ANKEF1: variants seen among roughly 807,000 people sequenced by gnomAD.
ANKEF1 encodes ankyrin repeat and EF-hand domain containing 1.
In ANKEF1, 43 loss-of-function variants were observed where a neutral mutation model predicts 65.1. The ratio of observed to expected loss-of-function variants is 0.66; its 90% CI spans 0.52 to 0.85. The LOEUF (loss-of-function observed/expected upper bound fraction) is 0.85, where lower values mean the gene tolerates loss of function less well. Among genes scored for constraint, ANKEF1 ranks in the 40% least tolerant of loss-of-function variants. ANKEF1 has a pLI of 0.00. For synonymous variants in ANKEF1, 316 were observed against 341.5 expected, an observed-to-expected ratio of 0.93 and a Z score of 0.82; for missense variants, 934 against 952.9, an observed-to-expected ratio of 0.98 and a Z score of 0.26.
rs1384054783 is a variant in ANKEF1, at chr20:10,057,831, T to C, written c.*2171T>C. The stretch of plus-strand genomic sequence containing the variant: ...TCCTTTGTACTCCCAGGTCATGAAA[T>C]ACATTCGCTTGCCCCATCTCTTTAG... On this transcript the variant is annotated 3_prime_UTR_variant, in exon 11 of 11. Coordinates refer to ENST00000378392, the MANE Select transcript of ANKEF1 (RefSeq NM_022096.6). 6.6e-6 allele frequency: 1 copy of C among 152,212 alleles called. No individual in the cohort carries two copies. The highest frequency in any genetic ancestry group is 1.5e-5 in the Non-Finnish European group (1 of 68,036). The allele number at this position is 152,212 out of a possible 1,614,324, so 9.4% of individuals were successfully genotyped here. A position where few individuals can be genotyped will look rare whatever the true frequency, so the allele number is the denominator to read the frequency against.
rs553878740 is a variant in ANKEF1, at chr20:10,037,840, A to G, written c.-44-418A>G. ...AGCCCAGTAGATTTGTTTATAATGA[A>G]CACCTCAAAATTATATGTTTTTATA... On this transcript the variant is annotated intron_variant, in intron 2 of 10. Coordinates refer to ENST00000378392, the MANE Select transcript of ANKEF1 (RefSeq NM_022096.6). Among the ~76,000 whole-genome samples, 17 of 152,226 alleles carry G rather than the reference A, an allele frequency of 1.1e-4. No homozygotes were observed. The East Asian group carries it at 3.3e-3, about 29-fold the overall frequency.
Position 10,054,599 on chromosome 20 carries a change from G to C in ANKEF1, c.2172G>C (p.Arg724Ser), listed in dbSNP as rs747775909. ...TGGATATCACATTTATTCCACGGAGGGTAAGTGCTTCGAAAAGATCTTCAT... is the reference window on the plus strand; with the variant it reads ...TGGATATCACATTTATTCCACGGAGCGTAAGTGCTTCGAAAAGATCTTCAT... ...KKVDITFIPR[R>S]IWSPEATTAE... Residue 724 changes from arginine (R) to serine (S), a missense_variant and splice_region_variant, in exon 10 of 11, where the codon AGG becomes AGC. Physicochemically the swap from Arg to Ser is moderately radical, Grantham distance 110 (BLOSUM62 -1). Coordinates refer to ENST00000378392, the MANE Select transcript of ANKEF1 (RefSeq NM_022096.6). 6.2e-7 allele frequency: 1 copy of C among 1,603,846 alleles called. No individual in the cohort carries two copies. The highest frequency in any genetic ancestry group is 1.1e-5 in the South Asian group (1 of 88,334).
At position 10,058,030 on chromosome 20, in the gene ANKEF1, T is replaced by A. The variant is rs773771351; in HGVS notation, c.*2370T>A. The stretch of plus-strand genomic sequence containing the variant: ...GGTGATGCTTTTGGGGCAGCAGTGC[T>A]ACAGATGTCATTGCACCCTTCTCAG... On this transcript the variant is annotated 3_prime_UTR_variant, in exon 11 of 11. Coordinates refer to ENST00000378392, the MANE Select transcript of ANKEF1 (RefSeq NM_022096.6). The A allele has an allele frequency of 3.9e-5, 6 of 152,212 alleles. No individual in the cohort carries two copies. The highest frequency in any genetic ancestry group is 2.6e-4 in the Admixed American group (4 of 15,286). 9.4% of individuals were successfully genotyped at this position (152,212 alleles called of 1,614,324 possible).
At chr20:10,040,426 C>T (rs928858029) in intron 3 of ANKEF1, among the ~76,000 whole-genome samples, 7 of 152,226 alleles carry the variant, frequency 4.6e-5, no homozygotes, top group Non-Finnish European at 1.0e-4. Flanking sequence ...GGATGTGAGA[C>T]ATGCCCTAGG....
rs769436742 is a variant in ANKEF1, at chr20:10,050,059, A to G, written c.1490A>G (p.Asn497Ser). 1.6e-5 allele frequency: 26 copies of G among 1,614,176 alleles called. No individual in the cohort carries two copies. The African/African-American group carries it at 3.2e-4, about 20-fold the overall frequency. Residue 497 changes from asparagine (N) to serine (S), a missense_variant, in exon 7 of 11, where the codon AAT becomes AGT. Transcript: ENST00000378392. ...TCAGAGAAGGTATTTTCAAACATTAATATTATCACCAAAGCAGGGGATCTG... is the reference window on the plus strand; with the variant it reads ...TCAGAGAAGGTATTTTCAAACATTAGTATTATCACCAAAGCAGGGGATCTG... ...DDSEKVFSNINIITKAGDLAS... is the reference protein window; with the variant it reads ...DDSEKVFSNISIITKAGDLAS...
intron 6 of ANKEF1, among the ~76,000 whole-genome samples, chr20:10,047,716 C>T (rs1984599809): frequency 6.6e-6 from 1 of 152,190 alleles, no homozygotes; most frequent in Admixed American, 6.5e-5. Flanking sequence ...CACCAGCCAG[C>T]TGGAAGTTGA....
rs78440104 is a variant in ANKEF1 at position 10,039,668 on chromosome 20, A to G, written c.346+1021A>G. On this transcript the variant is annotated intron_variant, in intron 3 of 10. Coordinates refer to ENST00000378392, the MANE Select transcript of ANKEF1 (RefSeq NM_022096.6). ...AAAAACGGTATCCTCTCAAAGCTCT[A>G]TAGTATACCATTTCCCAAAGTGTGT... is the stretch of plus-strand genomic sequence containing the variant. Among the ~76,000 whole-genome samples the G allele has an allele frequency of 2.0e-3, 310 of 152,360 alleles. 2 individuals carry two copies. The highest frequency in any genetic ancestry group is 6.6e-3 in the African/African-American group (273 of 41,580).
Position 10,043,338 on chromosome 20 carries a change from G to T in ANKEF1, c.546+17G>T. On this transcript the variant is annotated intron_variant, in intron 4 of 10. Coordinates refer to ENST00000378392, the MANE Select transcript of ANKEF1 (RefSeq NM_022096.6). ...ATCAACTCAGTATGGCTATTCTTGT[G>T]ATTACAAATATTTCTTGTTTCAATT... 1 of 1,608,350 alleles carries T rather than the reference G, an allele frequency of 6.2e-7. No homozygotes were observed. Among genetic ancestry groups the T allele is most frequent in the South Asian group, 1.1e-5 (1 of 90,862 alleles).
In ANKEF1 at chr20:10,050,125, A is replaced by G. The variant is rs1984765320; in HGVS notation, c.1556A>G (p.Asp519Gly). The change falls in exon 7 of 11, where the codon GAT becomes GGT. Residue 519 changes from aspartate (D) to glycine (G), a missense_variant. Physicochemically the swap from Asp to Gly is moderately conservative, Grantham distance 94 (BLOSUM62 -1). Coordinates refer to ENST00000378392, the MANE Select transcript of ANKEF1 (RefSeq NM_022096.6). ...KKAFESGIPV[D>G]MKDNYYKTPL... ...GCCTTTGAATCAGGAATACCTGTGGATATGAAGGATAATTATTACAAAACT... is the reference window on the plus strand; with the variant it reads ...GCCTTTGAATCAGGAATACCTGTGGGTATGAAGGATAATTATTACAAAACT... 1.2e-6 allele frequency: 2 copies of G among 1,614,034 alleles called. No homozygotes were observed. The highest frequency in any genetic ancestry group is 1.7e-5 in the Admixed American group (1 of 59,992).
chr20:10,056,516 A>C lies in ANKEF1; in HGVS notation c.*856A>C, dbSNP rs936672422. On this transcript the variant is annotated 3_prime_UTR_variant, in exon 11 of 11. Coordinates refer to ENST00000378392, the MANE Select transcript of ANKEF1 (RefSeq NM_022096.6). ...ATAGATGATAGATAGATAGATAGAT[A>C]GATAGATAGATAGATAGATAGAGAT... is the stretch of plus-strand genomic sequence containing the variant. 1 of 151,058 alleles carries C rather than the reference A, an allele frequency of 6.6e-6. No homozygotes were observed. Among genetic ancestry groups the C allele is most frequent in the Non-Finnish European group, 1.5e-5 (1 of 67,738 alleles). 9.4% of individuals were successfully genotyped at this position (151,058 alleles called of 1,614,324 possible).
At chr20:10,035,839 G>C (rs1983810324) in intron 2 of ANKEF1, among the ~76,000 whole-genome samples, 197 bp downstream of exon 2, 1 of 152,130 alleles carries the variant, frequency 6.6e-6, no homozygotes, top group Non-Finnish European at 1.5e-5. Flanking sequence ...AACACACACA[G>C]ATTCCCACAG....
chr20:10,044,521 C>G lies in ANKEF1; in HGVS notation c.674C>G (p.Ala225Gly), dbSNP rs1203758053. 1.2e-6 allele frequency: 2 copies of G among 1,614,068 alleles called. No individual in the cohort carries two copies. The highest frequency in any genetic ancestry group is 3.3e-5 in the Admixed American group (2 of 60,006). Residue 225 changes from alanine (A) to glycine (G), a missense_variant, in exon 5 of 11, where the codon GCT becomes GGT. Physicochemically the swap from Ala to Gly is moderately conservative, Grantham distance 60. Transcript: ENST00000378392. ...DNDRHHAAHF[A>G]AKGGFFDILK... ...GACAGGCATCACGCTGCTCATTTTG[C>G]TGCTAAAGGAGGCTTTTTCGATGTA... is the stretch of plus-strand genomic sequence containing the variant.
Position 10,056,266 on chromosome 20 carries a change from T to C in ANKEF1, c.*606T>C, listed in dbSNP as rs936659266. On this transcript the variant is annotated 3_prime_UTR_variant, in exon 11 of 11. Coordinates refer to ENST00000378392, the MANE Select transcript of ANKEF1 (RefSeq NM_022096.6). ...TTAGATACCTTGGGTTGAATACACT[T>C]TTAACAGCCCTAGATCGATAGCCCT... 7 of 152,466 alleles carry C rather than the reference T, an allele frequency of 4.6e-5. No individual in the cohort carries two copies. The highest frequency in any genetic ancestry group is 2.9e-5 in the Non-Finnish European group (2 of 68,370). The allele number at this position is 152,466 out of a possible 1,614,324, so 9.4% of individuals were successfully genotyped here.
intron 5 of ANKEF1, 83 bp downstream of exon 5, chr20:10,044,626 G>C: frequency 1.4e-6 from 2 of 1,388,666 alleles, no homozygotes; most frequent in African/African-American, 2.9e-5. Flanking sequence ...GTCATATAGA[G>C]TACGCTAAGG....
At position 10,056,496 on chromosome 20, in the gene ANKEF1, T is replaced by TAGATGATAGATAGATA. The variant is rs1555773774; in HGVS notation, c.*836_*837insAGATGATAGATAGATA. ...GATAGATGATAGATAGATAGATAGA[T>TAGATGATAGATAGATA]GATAGATAGATAGATAGATAGATAG... On this transcript the variant is annotated 3_prime_UTR_variant, in exon 11 of 11. Transcript: ENST00000378392. The TAGATGATAGATAGATA allele has an allele frequency of 9.9e-4, 143 of 143,814 alleles. 1 individual carries two copies. The highest frequency in any genetic ancestry group is 3.6e-3 in the African/African-American group (138 of 38,132). The allele number at this position is 143,814 out of a possible 1,614,324, so 8.9% of individuals were successfully genotyped here.
Position 10,051,796 on chromosome 20 carries a change from A to T in ANKEF1, c.1777A>T (p.Thr593Ser), listed in dbSNP as rs753530168. The T allele has an allele frequency of 1.7e-5, 27 of 1,613,486 alleles. No individual in the cohort carries two copies. Among genetic ancestry groups the T allele is most frequent in the Non-Finnish European group, 2.1e-5 (25 of 1,179,830 alleles). ...AGATGCAGCTTCAATCAACAACTCA[A>T]CTCCTTTAAATAGAGCCATTGAAAG... is the stretch of plus-strand genomic sequence containing the variant. ...LIDAASINNS[T>S]PLNRAIESCR... The change falls in exon 8 of 11, where the codon ACT becomes TCT. Residue 593 changes from threonine to serine, a missense_variant. Transcript: ENST00000378392.
chr20:10,037,357 A>G (rs1173668373), intron 2 of ANKEF1, among the ~76,000 whole-genome samples: 1 of 152,110 alleles, frequency 6.6e-6, no homozygotes, highest in Non-Finnish European at 1.5e-5. Flanking sequence ...GCCCCACACC[A>G]TACTGCTTAA....
rs150349680 is a variant in ANKEF1, at chr20:10,044,614, A to G, written c.696+71A>G. Reference sequence around the variant, plus strand: ...TGTCCTTTTTCTCAAATTTTTTTATATGTCATATAGAGTACGCTAAGGCAG... The same window carrying G: ...TGTCCTTTTTCTCAAATTTTTTTATGTGTCATATAGAGTACGCTAAGGCAG... On this transcript the variant is annotated intron_variant, in intron 5 of 10. Transcript: ENST00000378392. 3.3e-5 allele frequency: 51 copies of G among 1,562,338 alleles called. No individual in the cohort carries two copies. The African/African-American group carries it at 5.9e-4, about 18-fold the overall frequency.
intron 9 of ANKEF1, 24 bp from the exon 10 acceptor site, chr20:10,054,438 T>A (rs1985032025): frequency 9.2e-6 from 14 of 1,514,292 alleles, no homozygotes; most frequent in Non-Finnish European, 1.2e-5. Context: ...TTACAATTTA[T>A]AATTTTTTTG....
Sources: gnomAD v4.1 joint callset for allele counts (sites outside exome capture counted in the v4.1 genomes callset) on GRCh38, gnomAD v4.1.1 for gene constraint, MANE v1.5 for transcripts, NCBI Gene and HGNC (gene_info 2026-07-23, HGNC 2026-07-21) for gene names.